RAB5C: variants seen among roughly 807,000 people sequenced by gnomAD.
RAB5C encodes the protein ras-related protein Rab-5C.
In RAB5C, 4 loss-of-function variants were observed where a neutral mutation model predicts 25.2. The ratio of observed to expected loss-of-function variants is 0.16; its 90% CI spans 0.08 to 0.36. RAB5C has a LOEUF of 0.36. RAB5C is among the 10% of genes least tolerant of loss of function. RAB5C has a pLI of 1.00. For synonymous variants in RAB5C, 100 were observed against 106.4 expected, an observed-to-expected ratio of 0.94 and a Z score of 0.37; for missense variants, 199 against 283.8, an observed-to-expected ratio of 0.70 and a Z score of 2.15.
In RAB5C at chr17:42,128,340, C is replaced by T. The variant is rs752617266; in HGVS notation, c.362G>A (p.Arg121Lys). Residue 121 changes from arginine (R) to lysine (K), a missense_variant, in exon 4 of 6, where the codon AGG becomes AAG. Physicochemically the swap from Arg to Lys is conservative, Grantham distance 26. Around this residue, in one of 3 missense-constraint regions of RAB5C, gnomAD observed 154 missense variants for 199.6 expected, o/e 0.77. Transcript: ENST00000346213. ...RAKNWVKELQRQASPNIVIAL... is the reference protein window; with the variant it reads ...RAKNWVKELQKQASPNIVIAL... ...AATGACGATGTTGGGGCTGGCCTGC[C>T]TCTGTAGCTCCTTCACCCAGTTCTT... is the stretch of plus-strand genomic sequence containing the variant. 7.4e-6 allele frequency: 12 copies of T among 1,614,158 alleles called. No homozygotes were observed. The highest frequency in any genetic ancestry group is 1.0e-5 in the Non-Finnish European group (12 of 1,180,022).
chr17:42,133,628 CAGAG>C (rs764641699), intron 1 of RAB5C, among the ~76,000 whole-genome samples: 1 of 152,148 alleles, frequency 6.6e-6, no homozygotes, highest in East Asian at 1.9e-4. Flanking sequence ...GAGCATCTGG[CAGAG>C]AGAGAGTGAG....
intron 1 of RAB5C, among the ~76,000 whole-genome samples, chr17:42,142,415 TGA>T (rs2079608757): frequency 6.6e-6 from 1 of 152,142 alleles, no homozygotes; most frequent in East Asian, 1.9e-4. Context: ...GTTCAGTTGT[TGA>T]GAGGGCTAGG....
At chr17:42,151,842 G>A (rs1045803888) in intron 1 of RAB5C, among the ~76,000 whole-genome samples, 1 of 152,088 alleles carries the variant, frequency 6.6e-6, no homozygotes, top group Non-Finnish European at 1.5e-5. Context: ...ACAGGAGGTC[G>A]GGTAGACGCT....
intron 1 of RAB5C, among the ~76,000 whole-genome samples, chr17:42,146,327 A>G (rs567861773): frequency 6.6e-5 from 10 of 152,376 alleles, no homozygotes; most frequent in African/African-American, 1.7e-4. Context: ...TAAGATGTTA[A>G]TAACAGGGAA....
At chr17:42,140,490 T>TAC (rs1258445401) in intron 1 of RAB5C, among the ~76,000 whole-genome samples, 1 of 69,808 alleles carries the variant, frequency 1.4e-5, no homozygotes, top group Non-Finnish European at 2.9e-5. Context: ...TTAGAATATA[T>TAC]ATATATATAT....
At chr17:42,128,102 G>A in intron 4 of RAB5C, among the ~76,000 whole-genome samples, 159 bp downstream of exon 4, 2 of 152,166 alleles carry the variant, frequency 1.3e-5, no homozygotes, top group Non-Finnish European at 2.9e-5. Context: ...TTACAGACAG[G>A]AGCCATGTTA....
rs1197245278 is a variant in RAB5C, at chr17:42,125,678, GC to G, written c.*104del. ...GAAATCATGGTGGACCCCTCCCCCTGCCCCCCCAGTGGTGGCCCGAGTCGTT... is the reference window on the plus strand; with the variant it reads ...GAAATCATGGTGGACCCCTCCCCCTGCCCCCCAGTGGTGGCCCGAGTCGTT... On this transcript the variant is annotated 3_prime_UTR_variant, in exon 6 of 6. Transcript: ENST00000346213. The G allele has an allele frequency of 8.1e-6, 6 of 736,828 alleles. No homozygotes were observed. The highest frequency in any genetic ancestry group is 1.8e-5 in the South Asian group (1 of 57,050). 45.6% of individuals were successfully genotyped at this position (736,828 alleles called of 1,614,324 possible). A position where few individuals can be genotyped will look rare whatever the true frequency, so the allele number is the denominator to read the frequency against.
chr17:42,130,637 C>T, intron 1 of RAB5C, 47 bp from the exon 2 acceptor site: 1 of 1,467,424 alleles, frequency 6.8e-7, no homozygotes, highest in Non-Finnish European at 9.0e-7. Flanking sequence ...GAGGCCGTCA[C>T]CCGCTGTGTC....
intron 4 of RAB5C, among the ~76,000 whole-genome samples, chr17:42,127,658 C>A (rs140667502): frequency 1.4e-4 from 21 of 151,446 alleles, no homozygotes; most frequent in South Asian, 4.2e-4. Flanking sequence ...ATCCTCCCCA[C>A]CTCGGCCTCC....
chr17:42,130,570 A>G lies in RAB5C; in HGVS notation c.-68T>C. 1 of 1,592,288 alleles carries G rather than the reference A, an allele frequency of 6.3e-7. No homozygotes were observed. Among genetic ancestry groups the G allele is most frequent in the East Asian group, 2.3e-5 (1 of 44,314 alleles). On this transcript the variant is annotated 5_prime_UTR_variant, in exon 2 of 6. Transcript: ENST00000346213. ...ACTGGTGCTATGCAAAGAGGCACTT[A>G]GTGGGGAGGGGGACCTCCAACTGTA...
chr17:42,150,411 G>A (rs2079662677), intron 1 of RAB5C, among the ~76,000 whole-genome samples: 1 of 150,682 alleles, frequency 6.6e-6, no homozygotes, highest in Non-Finnish European at 1.5e-5. Flanking sequence ...GGGCATGGTG[G>A]CACACGCCTA....
At chr17:42,135,860 C>T (rs2054531544) in intron 1 of RAB5C, among the ~76,000 whole-genome samples, 2 of 152,110 alleles carry the variant, frequency 1.3e-5, no homozygotes, top group Non-Finnish European at 2.9e-5. Flanking sequence ...GCTGAGAGTC[C>T]TGGCACAGCC....
At chr17:42,133,035 C>A (rs1216331301) in intron 1 of RAB5C, among the ~76,000 whole-genome samples, 1 of 152,092 alleles carries the variant, frequency 6.6e-6, no homozygotes, top group Non-Finnish European at 1.5e-5. Flanking sequence ...TTTGTGGCAG[C>A]AACTTTGCTG....
chr17:42,125,696 C>G lies in RAB5C; in HGVS notation c.*87G>C. ...TCCCCCTGCCCCCCCAGTGGTGGCC[C>G]GAGTCGTTAAGTGCGATTGGTTAGA... On this transcript the variant is annotated 3_prime_UTR_variant, in exon 6 of 6. Transcript: ENST00000346213. 2.2e-6 allele frequency: 2 copies of G among 919,706 alleles called. No homozygotes were observed. Among genetic ancestry groups the G allele is most frequent in the East Asian group, 5.3e-5 (2 of 37,616 alleles). The allele number at this position is 919,706 out of a possible 1,614,324, so 57.0% of individuals were successfully genotyped here.
intron 1 of RAB5C, among the ~76,000 whole-genome samples, chr17:42,151,859 G>C (rs181150839): frequency 6.6e-6 from 1 of 152,016 alleles, no homozygotes; most frequent in Non-Finnish European, 1.5e-5. Flanking sequence ...CGCTGGGGAA[G>C]ACAAAAAAAC....
chr17:42,140,330 A>G (rs1326116064), intron 1 of RAB5C, among the ~76,000 whole-genome samples: 1 of 151,934 alleles, frequency 6.6e-6, no homozygotes, highest in African/African-American at 2.4e-5. Flanking sequence ...GGGAGAAAAG[A>G]GAAATAGCAA....
intron 4 of RAB5C, 32 bp from the exon 5 acceptor site, chr17:42,126,880 G>T: frequency 7.1e-7 from 1 of 1,410,694 alleles, no homozygotes; most frequent in Non-Finnish European, 1.0e-6. Flanking sequence ...GGAGGTGAGA[G>T]GGAAATGTTG....
chr17:42,127,820 C>A (rs535496535), intron 4 of RAB5C, among the ~76,000 whole-genome samples: 1 of 148,916 alleles, frequency 6.7e-6, no homozygotes, highest in African/African-American at 2.5e-5. Context: ...TGCCACCACA[C>A]CTGGCTGTTT....
intron 1 of RAB5C, among the ~76,000 whole-genome samples, chr17:42,135,896 CA>C (rs1451763057): frequency 6.6e-6 from 1 of 152,148 alleles, no homozygotes; most frequent in Non-Finnish European, 1.5e-5. Flanking sequence ...TTAGGGAAAC[CA>C]ATCAGACTGT....
Sources: gnomAD v4.1 joint callset for allele counts (sites outside exome capture counted in the v4.1 genomes callset) on GRCh38, gnomAD v4.1.1 for gene constraint, gnomAD v4.1.1 regional missense constraint, MANE v1.5 for transcripts, NCBI Gene and HGNC (gene_info 2026-07-23, HGNC 2026-07-21) for gene names.